PLD5: variants seen among roughly 807,000 people sequenced by gnomAD.
The protein encoded by PLD5 is inactive phospholipase D5.
Under a neutral mutation model 61.1 loss-of-function variants are expected in PLD5, and 36 were observed. The observed-to-expected ratio is 0.59, with a 90% confidence interval of 0.45 to 0.78. PLD5 has a LOEUF of 0.78. PLD5 is among the 30% of genes least tolerant of loss of function. The pLI is 0.00. For synonymous variants in PLD5, 243 were observed against 242.8 expected (o/e 1.00, Z -0.01); for missense variants, 515 against 644.4 (o/e 0.80, Z 2.17).
In PLD5 at chr1:242,207,816, T is replaced by TTATATATTTATATATATTTA. The variant is rs1480197682; in HGVS notation, c.735+12152_735+12171dup. ...TATATATATTTATATATATTTATATTTATATATTTATATATATTTATATAT... is the reference window on the plus strand; with the variant it reads ...TATATATATTTATATATATTTATATTTATATATTTATATATATTTATATATATTTATATATATTTATATAT... On this transcript the variant is annotated intron_variant, in intron 5 of 9. Coordinates refer to ENST00000536534, the MANE Select transcript of PLD5 (RefSeq NM_001372062.1). 2.9e-3 allele frequency among the ~76,000 whole-genome samples: 112 copies of TTATATATTTATATATATTTA among 39,106 alleles called. 10 individuals are homozygous for TTATATATTTATATATATTTA. The highest frequency in any genetic ancestry group is 0.015 in the African/African-American group (105 of 7,042). The allele number at this position is 39,106 out of a possible 152,430, so 25.7% of individuals were successfully genotyped here. A position where few individuals can be genotyped will look rare whatever the true frequency, so the allele number is the denominator to read the frequency against.
intron 1 of PLD5, among the ~76,000 whole-genome samples, chr1:242,472,392 G>A (rs970709958): frequency 6.6e-6 from 1 of 152,244 alleles, no homozygotes; most frequent in Non-Finnish European, 1.5e-5. Flanking sequence ...CGATAGAGCA[G>A]AAGGCAAACC....
At chr1:242,512,140 G>A (rs554238515) in intron 1 of PLD5, among the ~76,000 whole-genome samples, 21 of 151,798 alleles carry the variant, frequency 1.4e-4, no homozygotes, top group South Asian at 6.2e-4. Flanking sequence ...GGTTGGGTGC[G>A]GTGGTTCACG....
Position 242,088,433 on chromosome 1 carries a change from T to C in PLD5, c.*1421A>G, listed in dbSNP as rs1659574298. On this transcript the variant is annotated 3_prime_UTR_variant, in exon 10 of 10. Coordinates refer to ENST00000536534, the MANE Select transcript of PLD5 (RefSeq NM_001372062.1). ...AAAGTTTATTTCAAGAAAAAGATTATATATTATAATGCTTAGCATTTATAT... is the reference window on the plus strand; with the variant it reads ...AAAGTTTATTTCAAGAAAAAGATTACATATTATAATGCTTAGCATTTATAT... 6.6e-6 allele frequency: 1 copy of C among 152,230 alleles called. No individual in the cohort carries two copies. The highest frequency in any genetic ancestry group is 1.5e-5 in the Non-Finnish European group (1 of 68,042). The allele number at this position is 152,230 out of a possible 1,614,324, so 9.4% of individuals were successfully genotyped here. A position where few individuals can be genotyped will look rare whatever the true frequency, so the allele number is the denominator to read the frequency against.
At chr1:242,460,404 C>A (rs1023271283) in intron 1 of PLD5, among the ~76,000 whole-genome samples, 2 of 152,130 alleles carry the variant, frequency 1.3e-5, no homozygotes, top group African/African-American at 4.8e-5. Flanking sequence ...AAAGAGAGAG[C>A]CCCGTTGCAT....
At chr1:242,323,227 C>T (rs1658534428) in intron 2 of PLD5, among the ~76,000 whole-genome samples, 3 of 152,074 alleles carry the variant, frequency 2.0e-5, no homozygotes, top group Non-Finnish European at 4.4e-5. Context: ...TCCAGGCGGC[C>T]GTTGCTGATA....
intron 1 of PLD5, among the ~76,000 whole-genome samples, chr1:242,501,571 G>A (rs912182066): frequency 2.6e-5 from 4 of 152,004 alleles, no homozygotes; most frequent in African/African-American, 4.8e-5. Context: ...ATAAAGAAAC[G>A]GAATGAAAAC....
At chr1:242,233,454 G>A (rs957177628) in intron 4 of PLD5, among the ~76,000 whole-genome samples, 3 of 151,996 alleles carry the variant, frequency 2.0e-5, no homozygotes, top group Admixed American at 6.6e-5. Flanking sequence ...AAGTGGGAAC[G>A]CTTAAAATAA....
chr1:242,304,412 G>A (rs907388066), intron 2 of PLD5, among the ~76,000 whole-genome samples: 1 of 152,162 alleles, frequency 6.6e-6, no homozygotes, highest in African/African-American at 2.4e-5. Context: ...GTTTAAAATA[G>A]TTTTTCTAAA....
chr1:242,309,388 C>CTT (rs368753685), intron 2 of PLD5, among the ~76,000 whole-genome samples: 4 of 138,068 alleles, frequency 2.9e-5, no homozygotes, highest in Admixed American at 2.2e-4. Context: ...GTTTTCTTTT[C>CTT]TTTTTTTTTT....
intron 4 of PLD5, among the ~76,000 whole-genome samples, chr1:242,222,479 C>G (rs901772885): frequency 1.3e-5 from 2 of 152,194 alleles, no homozygotes; most frequent in African/African-American, 4.8e-5. Flanking sequence ...TTCCCCTGCT[C>G]TCTTATTCTG....
At chr1:242,439,429 G>C (rs571633570) in intron 1 of PLD5, among the ~76,000 whole-genome samples, 1 of 152,164 alleles carries the variant, frequency 6.6e-6, no homozygotes, top group Non-Finnish European at 1.5e-5. Flanking sequence ...GGCCTGGAAG[G>C]AGCCCACATC....
At chr1:242,255,465 CT>C (rs1672961506) in intron 4 of PLD5, among the ~76,000 whole-genome samples, 1 of 152,194 alleles carries the variant, frequency 6.6e-6, no homozygotes, top group African/African-American at 2.4e-5. Context: ...ACTAGGGCAG[CT>C]TGCATTAACT....
intron 2 of PLD5, among the ~76,000 whole-genome samples, chr1:242,347,386 A>G (rs1168832234): frequency 1.3e-5 from 2 of 152,154 alleles, no homozygotes; most frequent in African/African-American, 4.8e-5. Flanking sequence ...AGCAATACAT[A>G]TATAAAAATA....
intron 2 of PLD5, among the ~76,000 whole-genome samples, chr1:242,313,986 G>A (rs935860114): frequency 2.0e-5 from 3 of 152,132 alleles, no homozygotes; most frequent in South Asian, 2.1e-4. Flanking sequence ...CATCAAAGGC[G>A]TTTTTCCTAG....
intron 2 of PLD5, 122 bp downstream of exon 2, chr1:242,347,984 C>T: frequency 7.9e-7 from 1 of 1,264,008 alleles, no homozygotes; most frequent in African/African-American, 1.5e-5. Context: ...CACACCTCAG[C>T]TTAAGCTAAG....
intron 1 of PLD5, among the ~76,000 whole-genome samples, chr1:242,387,389 C>T (rs1662657573): frequency 6.6e-6 from 1 of 152,062 alleles, no homozygotes; most frequent in Admixed American, 6.6e-5. Context: ...GGTCTTACTG[C>T]AGGGATAGAA....
intron 1 of PLD5, among the ~76,000 whole-genome samples, chr1:242,489,393 A>T (rs115430930): frequency 0.018 from 2,729 of 151,964 alleles, 92 homozygotes; most frequent in African/African-American, 0.063. Flanking sequence ...AAAACAGAGA[A>T]AAAACAGAGA....
intron 1 of PLD5, among the ~76,000 whole-genome samples, chr1:242,378,289 C>T (rs1021632813): frequency 2.0e-5 from 3 of 152,178 alleles, no homozygotes; most frequent in African/African-American, 4.8e-5. Flanking sequence ...TCCACTTACA[C>T]GAGGTACTTA....
chr1:242,403,521 A>C (rs1319580486), intron 1 of PLD5, among the ~76,000 whole-genome samples: 1 of 150,286 alleles, frequency 6.7e-6, no homozygotes, highest in African/African-American at 2.5e-5. Context: ...CTGGAGTGCA[A>C]TGGCACGATC....
Sources: allele counts gnomAD v4.1 joint callset (sites outside exome capture counted in the v4.1 genomes callset), GRCh38; gene constraint gnomAD v4.1.1; transcripts MANE v1.5; gene names NCBI Gene and HGNC (gene_info 2026-07-23, HGNC 2026-07-21).